The following CRTAM variants were observed in gnomAD, a reference collection of about 807,000 sequenced individuals.
The protein encoded by CRTAM is cytotoxic and regulatory T-cell molecule.
CRTAM carries 44 observed loss-of-function variants against 50.0 expected under a neutral mutation model. The ratio of observed to expected loss-of-function variants is 0.88; its 90% confidence interval spans 0.69 to 1.13. The LOEUF is 1.13. Ranked by LOEUF, CRTAM falls within the 50% of genes most tolerant of loss-of-function variation. The pLI is 0.00. For missense variants in CRTAM, 448 were observed against 457.5 expected (o/e 0.98, Z 0.19); for synonymous variants, 159 against 169.3 (o/e 0.94, Z 0.47).
intron 1 of CRTAM, among the ~76,000 whole-genome samples, chr11:122,839,143 A>G (rs945514624): frequency 2.0e-5 from 3 of 152,150 alleles, no homozygotes; most frequent in Admixed American, 6.6e-5. Flanking sequence ...CGTGTTAGCC[A>G]GGATGGTCTC....
rs75765302 is a variant in CRTAM, at chr11:122,859,057, G to T, written c.652+3201G>T. Among the ~76,000 whole-genome samples, 253 of 152,204 alleles carry T rather than the reference G, an allele frequency of 1.7e-3. 1 individual carries two copies. The highest frequency in any genetic ancestry group is 5.4e-3 in the African/African-American group (223 of 41,522). ...TGAGAAATTAAAAAAATATGTATCTGTCAATTTATTTTAAAATAATAAATC... is the reference window on the plus strand; with the variant it reads ...TGAGAAATTAAAAAAATATGTATCTTTCAATTTATTTTAAAATAATAAATC... On this transcript the variant is annotated intron_variant, in intron 5 of 9. Coordinates refer to ENST00000227348, the MANE Select transcript of CRTAM (RefSeq NM_019604.4).
chr11:122,842,554 C>T (rs1371182544), intron 1 of CRTAM, among the ~76,000 whole-genome samples: 1 of 152,180 alleles, frequency 6.6e-6, no homozygotes, highest in Non-Finnish European at 1.5e-5. Flanking sequence ...GCTGGGATTA[C>T]AGGCGTTGAG....
chr11:122,865,177 C>T (rs1020803182), intron 7 of CRTAM, among the ~76,000 whole-genome samples: 1 of 152,026 alleles, frequency 6.6e-6, no homozygotes, highest in Admixed American at 6.6e-5. Flanking sequence ...GCTGGGATTA[C>T]AGGCACACGC....
At chr11:122,868,958 G>A (rs113293583) in intron 9 of CRTAM, among the ~76,000 whole-genome samples, 2,767 of 152,172 alleles carry the variant, frequency 0.018, 85 homozygotes, top group African/African-American at 0.062. Context: ...GCAGTGAGCC[G>A]AGATCGTGCC....
rs1159512746 is a variant in CRTAM at position 122,871,418 on chromosome 11, A to T, written c.*19A>T. 6.2e-7 allele frequency: 1 copy of T among 1,601,058 alleles called. No individual in the cohort carries two copies. The highest frequency in any genetic ancestry group is 2.3e-5 in the East Asian group (1 of 44,250). On this transcript the variant is annotated 3_prime_UTR_variant, in exon 10 of 10. Transcript: ENST00000227348. ...TGTGTAGTGCTCTCTGCAATGGAAC[A>T]TGTGATTTCAGGGTTGCCGCAGTGT...
rs935721894 is a variant in CRTAM at position 122,867,435 on chromosome 11, G to T, written c.844G>T (p.Ala282Ser). 21 of 1,613,604 alleles carry T rather than the reference G, an allele frequency of 1.3e-5. No individual in the cohort carries two copies. Among genetic ancestry groups the T allele is most frequent in the Middle Eastern group, 3.3e-4 (2 of 6,054 alleles). Reference protein sequence around the residue: ...TEANPQYLGLARKKSGILLLT... With the variant: ...TEANPQYLGLSRKKSGILLLT... ...AGCAAATCCTCAGTATTTAGGACTG[G>T]CAAGAAAGAAAAGTGGCATCCTGCT... Residue 282 changes from alanine (A) to serine (S), a missense_variant, in exon 8 of 10, where the codon GCA (alanine) becomes TCA (serine). Ala to Ser is a moderately conservative substitution (Grantham distance 99). Transcript: ENST00000227348.
chr11:122,839,438 G>A (rs1200760237), intron 1 of CRTAM, among the ~76,000 whole-genome samples: 1 of 152,154 alleles, frequency 6.6e-6, no homozygotes, highest in East Asian at 1.9e-4. Context: ...TAGCTCAGAG[G>A]TAATAATGAG....
chr11:122,846,990 T>C (rs1055886979), intron 1 of CRTAM, among the ~76,000 whole-genome samples: 4 of 152,232 alleles, frequency 2.6e-5, no homozygotes, highest in African/African-American at 9.6e-5. Flanking sequence ...CACTTTTCTT[T>C]GTAAAGCAAG....
At chr11:122,867,005 T>C (rs1438502011) in intron 7 of CRTAM, among the ~76,000 whole-genome samples, 1 of 152,228 alleles carries the variant, frequency 6.6e-6, no homozygotes. Context: ...TCATTTTATT[T>C]GGATAGTTTT....
chr11:122,867,287 CTCT>C, intron 7 of CRTAM, 119 bp from the exon 8 acceptor site: 1 of 814,932 alleles, frequency 1.2e-6, no homozygotes. Flanking sequence ...TCTTTCTCAT[CTCT>C]TCATCTGAGC....
intron 7 of CRTAM, 59 bp from the exon 8 acceptor site, chr11:122,867,350 G>C: frequency 7.9e-7 from 1 of 1,267,730 alleles, no homozygotes; most frequent in African/African-American, 3.1e-5. Context: ...ATATTCTCCA[G>C]TGGCAAAAAA....
At chr11:122,858,570 C>T (rs536886505) in intron 5 of CRTAM, among the ~76,000 whole-genome samples, 1 of 152,210 alleles carries the variant, frequency 6.6e-6, no homozygotes, top group East Asian at 1.9e-4. Flanking sequence ...CCTTCTGTAG[C>T]CCAGGCTGGA....
rs1427371354 is a variant in CRTAM, at chr11:122,855,709, G to A, written c.505G>A (p.Glu169Lys). The A allele has an allele frequency of 1.2e-6, 2 of 1,613,958 alleles. No homozygotes were observed. The highest frequency in any genetic ancestry group is 1.7e-6 in the Non-Finnish European group (2 of 1,179,980). The stretch of plus-strand genomic sequence containing the variant: ...TTGCTACATAGGTGGAACGCTCCAT[G>A]AATTTGAAACTGATGGGAAGAAATG... ...SMEVSGGTLH[E>K]FETDGKKCNT... The change falls in exon 5 of 10, where the codon GAA becomes AAA. Residue 169 changes from glutamate (E) to lysine (K), a missense_variant. Glu to Lys is a moderately conservative substitution (Grantham distance 56). Transcript: ENST00000227348.
Position 122,868,062 on chromosome 11 carries a change from T to C in CRTAM, c.1014T>C (p.Asn338=). 6 of 1,613,350 alleles carry C rather than the reference T, an allele frequency of 3.7e-6. No homozygotes were observed. Among genetic ancestry groups the C allele is most frequent in the Non-Finnish European group, 5.1e-6 (6 of 1,179,482 alleles). Residue 338 remains asparagine (N), a synonymous_variant, in exon 9 of 10, where the codon AAT becomes AAC. Transcript: ENST00000227348. ...TAGAAAGTTACAGATCAAGGTCAAATAATGAAGAAACATCATCTGAAGAGA... is the reference window on the plus strand; with the variant it reads ...TAGAAAGTTACAGATCAAGGTCAAACAATGAAGAAACATCATCTGAAGAGA... The part of the protein sequence containing the change: ...HTLESYRSRS[N]NEETSSEEKN...
At chr11:122,860,109 G>A (rs1326076782) in intron 5 of CRTAM, among the ~76,000 whole-genome samples, 2 of 152,138 alleles carry the variant, frequency 1.3e-5, no homozygotes, top group Non-Finnish European at 2.9e-5. Context: ...GTGCAATGGT[G>A]CTATCTCAGC....
At chr11:122,851,406 TAG>T (rs1861927308) in intron 2 of CRTAM, among the ~76,000 whole-genome samples, 1 of 152,152 alleles carries the variant, frequency 6.6e-6, no homozygotes, top group Non-Finnish European at 1.5e-5. Context: ...AAATTTTAAA[TAG>T]AGATAATTCT....
Position 122,867,442 on chromosome 11 carries a change from A to G in CRTAM, c.851A>G (p.Lys284Arg), listed in dbSNP as rs150210111. 6 of 1,613,930 alleles carry G rather than the reference A, an allele frequency of 3.7e-6. No individual in the cohort carries two copies. In the African/African-American group the frequency reaches 6.7e-5, roughly 18 times the overall value. Residue 284 changes from lysine to arginine, a missense_variant, in exon 8 of 10, where the codon AAG (lysine) becomes AGG (arginine). Physicochemically the swap from Lys to Arg is conservative, Grantham distance 26. Coordinates refer to ENST00000227348, the MANE Select transcript of CRTAM (RefSeq NM_019604.4). ...CCTCAGTATTTAGGACTGGCAAGAA[A>G]GAAAAGTGGCATCCTGCTGCTCACG... is the stretch of plus-strand genomic sequence containing the variant. ...ANPQYLGLAR[K>R]KSGILLLTLV...
At chr11:122,865,060 G>C (rs1274575422) in intron 7 of CRTAM, among the ~76,000 whole-genome samples, 1 of 151,572 alleles carries the variant, frequency 6.6e-6, no homozygotes, top group Admixed American at 6.6e-5. Context: ...TTGTGAGACA[G>C]AGTTTCTTTC....
intron 5 of CRTAM, among the ~76,000 whole-genome samples, chr11:122,860,223 T>C (rs1862054154): frequency 6.6e-6 from 1 of 151,984 alleles, no homozygotes; most frequent in Non-Finnish European, 1.5e-5. Context: ...AGTTTTTGTG[T>C]TTTTATTAGT....
Sources: gnomAD v4.1 joint callset for allele counts (sites outside exome capture counted in the v4.1 genomes callset) on GRCh38, gnomAD v4.1.1 for gene constraint, MANE v1.5 for transcripts, NCBI Gene and HGNC (gene_info 2026-07-23, HGNC 2026-07-21) for gene names.